PARP10: variants seen among roughly 807,000 people sequenced by gnomAD.
PARP10 encodes the protein protein mono-ADP-ribosyltransferase PARP10.
In PARP10, 56 loss-of-function variants were observed where a neutral mutation model predicts 82.4. The observed-to-expected ratio is 0.68, with a 90% CI of 0.55 to 0.85. The LOEUF is 0.85. PARP10 is among the 40% of genes least tolerant of loss of function. The pLI, the probability that PARP10 is intolerant of heterozygous loss-of-function variation, is 0.00. For missense variants in PARP10, 1,227 were observed against 1,379.4 expected (o/e 0.89, Z 1.75); for synonymous variants, 576 against 601.1 (o/e 0.96, Z 0.61).
In PARP10 at chr8:144,008,140, A is replaced by G. The variant is rs564392871; in HGVS notation, c.-80+4390T>C. Among the ~76,000 whole-genome samples, 3 of 152,274 alleles carry G rather than the reference A, an allele frequency of 2.0e-5. 1 individual carries two copies. In the South Asian group the frequency reaches 6.2e-4, roughly 32 times the overall value. ...GAGGTTCAACATGGCCACGGCAGGC[A>G]GGATTGAAATGTTCGCATGGCCAGT... On this transcript the variant is annotated intron_variant, in intron 1 of 3. Coordinates refer to the PARP10 transcript ENST00000530478. This position sits in a 1 kb window ranked among gnomAD's most constrained non-coding sequence, Gnocchi z 4.0.
Position 143,986,428 on chromosome 8 carries a change from G to A in PARP10, c.-69C>T. On this transcript the variant is annotated 5_prime_UTR_variant, in exon 1 of 11. Coordinates refer to ENST00000313028, the MANE Select transcript of PARP10 (RefSeq NM_032789.5). ...GACTCCTGTGCCTGCCCCTCAGCAA[G>A]CCTAACCCTGCTGGGAGCAGGAAAA... The A allele has an allele frequency of 2.5e-6, 4 of 1,612,920 alleles. No homozygotes were observed. Among genetic ancestry groups the A allele is most frequent in the Non-Finnish European group, 3.4e-6 (4 of 1,179,036 alleles).
chr8:144,003,888 A>C (rs1300647526), intron 1 of PARP10, among the ~76,000 whole-genome samples: 1 of 151,948 alleles, frequency 6.6e-6, no homozygotes, highest in Non-Finnish European at 1.5e-5. Context: ...TTTTTTAATT[A>C]GTCAGGTGTG....
At chr8:143,991,561 C>T (rs782333668), upstream of PARP10, 2 of 1,592,386 alleles carry the variant, frequency 1.3e-6, no homozygotes, top group South Asian at 1.1e-5. Flanking sequence ...CCCCCCAACC[C>T]CTATGGACAG....
At chr8:143,980,568 T>C (rs559405107) in intron 9 of PARP10, among the ~76,000 whole-genome samples, 3 of 150,864 alleles carry the variant, frequency 2.0e-5, no homozygotes, top group South Asian at 2.1e-4. Context: ...TAAATGTATA[T>C]GTTTAAACAT....
intron 9 of PARP10, among the ~76,000 whole-genome samples, chr8:143,980,401 T>A (rs1554747461): frequency 6.9e-6 from 1 of 145,678 alleles, no homozygotes; most frequent in African/African-American, 2.5e-5. Context: ...GGTGTGTGCC[T>A]GTAATCCCAG....
chr8:143,994,605 C>T (rs541302861), upstream of PARP10, among the ~76,000 whole-genome samples: 2 of 152,352 alleles, frequency 1.3e-5, no homozygotes, highest in East Asian at 1.9e-4. Flanking sequence ...ACCTGAGTCA[C>T]GAGTGGGCTC....
rs782150881 is a variant in PARP10 at position 143,984,877 on chromosome 8, C to T, written c.1125G>A (p.Gly375=). Residue 375 remains glycine (G), a synonymous_variant, in exon 5 of 11, where the codon GGG becomes GGA. Coordinates refer to ENST00000313028, the MANE Select transcript of PARP10 (RefSeq NM_032789.5). ...ACCCCACAGGCCCCAGGCTCATGGG[C>T]CCCTCCTGTTCCTGCAACCCCACAG... ...LRPVGLQEQE[G]PMSLGPVGSA... is the part of the protein sequence containing the mutation. 2 of 1,613,876 alleles carry T rather than the reference C, an allele frequency of 1.2e-6. No homozygotes were observed. Among genetic ancestry groups the T allele is most frequent in the Non-Finnish European group, 8.5e-7 (1 of 1,179,928 alleles).
At position 143,977,722 on chromosome 8, in the gene PARP10, C is replaced by T. The variant is rs782103788; in HGVS notation, c.2840G>A (p.Arg947Gln). Residue 947 changes from arginine (R) to glutamine (Q), a missense_variant, in exon 11 of 11, where the codon CGG becomes CAG. By Grantham distance (43) the Arg-to-Gln change is conservative. Transcript: ENST00000313028. ...CTGCCCGTAGTCGCCAGTCAGCACC[C>T]GTGCCACGAACACCGCCTTATGGCC... ...ADGHKAVFVA[R>Q]VLTGDYGQGR... 5 of 1,599,080 alleles carry T rather than the reference C, an allele frequency of 3.1e-6. No homozygotes were observed. Among genetic ancestry groups the T allele is most frequent in the South Asian group, 1.1e-5 (1 of 89,128 alleles).
chr8:143,983,278 G>C lies in PARP10; in HGVS notation c.2311C>G (p.Leu771Val). Reference sequence around the variant, plus strand: ...GCAGGGTGGGCCCCGAAGCCACGGAGGATGGTGCAGTCACCACGCAGGGCA... The same window carrying C: ...GCAGGGTGGGCCCCGAAGCCACGGACGATGGTGCAGTCACCACGCAGGGCA... The part of the protein sequence containing the change: ...SVALRGDCTI[L>V]RGFGAHPARA... The change falls in exon 8 of 11, where the codon CTC becomes GTC. Residue 771 changes from leucine to valine, a missense_variant. By Grantham distance (32) the Leu-to-Val change is conservative. Transcript: ENST00000313028. The C allele has an allele frequency of 6.2e-7, 1 of 1,612,942 alleles. No individual in the cohort carries two copies. The highest frequency in any genetic ancestry group is 2.2e-5 in the East Asian group (1 of 44,834).
At chr8:144,010,800 G>C (rs906734787) in intron 1 of PARP10, among the ~76,000 whole-genome samples, 1 of 152,098 alleles carries the variant, frequency 6.6e-6, no homozygotes, top group Non-Finnish European at 1.5e-5. Flanking sequence ...CAGCAGGATC[G>C]CTTGAGCATG....
upstream of PARP10, among the ~76,000 whole-genome samples, chr8:143,993,674 T>C (rs918730311): frequency 1.3e-5 from 2 of 152,180 alleles, no homozygotes; most frequent in Non-Finnish European, 2.9e-5. Context: ...GTCTACCAGG[T>C]GCTCCGTGGA....
At chr8:143,983,958 A>T in intron 7 of PARP10, 50 bp downstream of exon 7, 1 of 1,475,378 alleles carries the variant, frequency 6.8e-7, no homozygotes, top group Non-Finnish European at 9.1e-7. Flanking sequence ...GCAGGGGGTG[A>T]GGTCAAGTGA....
chr8:143,986,529 C>T (rs1554749444), upstream of PARP10: 1 of 951,080 alleles, frequency 1.1e-6, no homozygotes, highest in African/African-American at 1.6e-5. Flanking sequence ...TACTGGGGCT[C>T]AGATGCTTCC....
In PARP10 at chr8:143,977,186, G is replaced by T; in HGVS notation, c.*298C>A. On this transcript the variant is annotated 3_prime_UTR_variant, in exon 11 of 11. Coordinates refer to ENST00000313028, the MANE Select transcript of PARP10 (RefSeq NM_032789.5). ...CCGGGTCCCTTCCGCCTGGGTTCAC[G>T]TTCACGTTTATTCAAACAACAGAGC... 2.4e-6 allele frequency: 1 copy of T among 415,448 alleles called. No individual in the cohort carries two copies. The highest frequency in any genetic ancestry group is 4.6e-5 in the South Asian group (1 of 21,878). The allele number at this position is 415,448 out of a possible 1,614,324, so 25.7% of individuals were successfully genotyped here. A position where few individuals can be genotyped will look rare whatever the true frequency, so the allele number is the denominator to read the frequency against.
intron 1 of PARP10, among the ~76,000 whole-genome samples, chr8:143,998,937 G>T: frequency 7.2e-6 from 1 of 139,296 alleles, no homozygotes. Context: ...GTGACAGAGT[G>T]AGACCCTGTT....
At chr8:143,991,589 A>G (rs781929354), upstream of PARP10, 13 of 1,598,740 alleles carry the variant, frequency 8.1e-6, no homozygotes, top group Non-Finnish European at 1.1e-5. Flanking sequence ...TCTTCCCAGG[A>G]CAAGACCCTG....
chr8:143,994,740 C>G (rs1834150271), upstream of PARP10, among the ~76,000 whole-genome samples: 1 of 152,164 alleles, frequency 6.6e-6, no homozygotes, highest in Non-Finnish European at 1.5e-5. Context: ...TAATCACATG[C>G]TGAGCAGCGA....
In PARP10 at chr8:143,983,785, G is replaced by A. The variant is rs1554748441; in HGVS notation, c.1804C>T (p.Leu602=). ...TCCCCGTCTAGGTCTAGGCCCTCCA[G>A]GGTGGCCAGCAGTTCTCGGACCTCC... ...LEEVRELLAT[L]EGLDLDGEDW... is the part of the protein sequence containing the mutation. The change falls in exon 8 of 11, where the codon CTG becomes TTG. Residue 602 remains leucine (L), a synonymous_variant. Transcript: ENST00000313028. The A allele has an allele frequency of 2.5e-6, 4 of 1,600,204 alleles. No individual in the cohort carries two copies. In the South Asian group the frequency reaches 4.5e-5, roughly 18 times the overall value.
chr8:143,987,890 A>T (rs181870941), upstream of PARP10, among the ~76,000 whole-genome samples: 1,124 of 76,518 alleles, frequency 0.015, 17 homozygotes, highest in African/African-American at 0.042. Context: ...GACTCTGTCT[A>T]AAAAAAAAAC....
Sources: allele counts gnomAD v4.1 joint callset (sites outside exome capture counted in the v4.1 genomes callset), GRCh38; gene constraint gnomAD v4.1.1; non-coding constraint Gnocchi (gnomAD v3.1); transcripts MANE v1.5; gene names NCBI Gene and HGNC (gene_info 2026-07-23, HGNC 2026-07-21).